Variants in ARHGEF25 observed in about 807,000 individuals in gnomAD.
ARHGEF25 encodes Rho guanine nucleotide exchange factor 25.
In ARHGEF25, 42 loss-of-function variants were observed where a neutral mutation model predicts 74.0. The observed-to-expected ratio is 0.57, with a 90% CI of 0.44 to 0.73. The LOEUF (loss-of-function observed/expected upper bound fraction) is 0.73, where lower values mean the gene tolerates loss of function less well. Ranked by LOEUF, ARHGEF25 falls within the 30% of genes least tolerant of loss-of-function variation. The pLI, the probability that ARHGEF25 is intolerant of heterozygous loss-of-function variation, is 0.00. For missense variants in ARHGEF25, 645 were observed against 725.5 expected, an observed-to-expected ratio of 0.89 and a Z score of 1.27; for synonymous variants, 293 against 278.6, an observed-to-expected ratio of 1.05 and a Z score of -0.51.
chr12:57,613,950 A>G (rs974296248), intron 5 of ARHGEF25, 66 bp from the exon 6 acceptor site: 8 of 1,543,596 alleles, frequency 5.2e-6, no homozygotes, highest in African/African-American at 4.1e-5. Context: ...ATTTGTGTAC[A>G]GGAGCACCAT....
chr12:57,610,407 G>A (rs1300919228), upstream of ARHGEF25: 2 of 1,145,116 alleles, frequency 1.7e-6, no homozygotes, highest in Admixed American at 5.8e-5. Context: ...AACGAGTTCT[G>A]CGGGGCAGTC....
intron 14 of ARHGEF25, 129 bp from the exon 15 acceptor site, chr12:57,616,655 C>T: frequency 1.0e-6 from 1 of 977,670 alleles, no homozygotes; most frequent in Non-Finnish European, 1.6e-6. Context: ...TCTGGAGAAG[C>T]TGATAGTCTC....
chr12:57,613,843 C>T (rs117258237), intron 5 of ARHGEF25, 83 bp downstream of exon 5: 59,214 of 1,552,344 alleles, frequency 0.038, 1,429 homozygotes, highest in South Asian at 0.062. Flanking sequence ...CCTGGGCGCT[C>T]CTCTGTCCCA....
chr12:57,611,252 G>A (rs901759948), upstream of ARHGEF25, among the ~76,000 whole-genome samples: 17 of 152,194 alleles, frequency 1.1e-4, no homozygotes, highest in African/African-American at 4.1e-4. The surrounding 1 kb of genome is among the most constrained non-coding windows in gnomAD (Gnocchi z 4.5). Context: ...GGACCCCGGG[G>A]CAGGGGAGCA....
chr12:57,613,858 T>C, intron 5 of ARHGEF25, 98 bp downstream of exon 5: 1 of 1,522,940 alleles, frequency 6.6e-7, no homozygotes, highest in Non-Finnish European at 9.0e-7. Flanking sequence ...GTCCCACCTC[T>C]CAAGCCTCCC....
Position 57,616,349 on chromosome 12 carries a change from G to T in ARHGEF25, c.1486G>T (p.Gly496Trp). Residue 496 changes from glycine to tryptophan, a missense_variant, in exon 14 of 15, where the codon GGG becomes TGG. Coordinates refer to ENST00000286494, the MANE Select transcript of ARHGEF25 (RefSeq NM_182947.4). ...SQTNSLGRPRGPGVGSPGRIQ... is the reference protein window; with the variant it reads ...SQTNSLGRPRWPGVGSPGRIQ... Reference sequence around the variant, plus strand: ...GACCAACAGCCTGGGGCGGCCAAGAGGGCCTGGAGTGGGGAGCCCTGGAAG... The same window carrying T: ...GACCAACAGCCTGGGGCGGCCAAGATGGCCTGGAGTGGGGAGCCCTGGAAG... 6.2e-7 allele frequency: 1 copy of T among 1,614,102 alleles called. No individual in the cohort carries two copies. The highest frequency in any genetic ancestry group is 1.7e-4 in the Middle Eastern group (1 of 6,046).
chr12:57,616,741 AT>A, intron 14 of ARHGEF25, 42 bp from the exon 15 acceptor site: 1 of 1,401,330 alleles, frequency 7.1e-7, no homozygotes, highest in Non-Finnish European at 1.0e-6. Context: ...GTGAGGGTAG[AT>A]TTCTGGCCTT....
At position 57,612,996 on chromosome 12, in the gene ARHGEF25, C is replaced by T. The variant is rs151122035; in HGVS notation, c.164C>T (p.Pro55Leu). ...TCTGCTGCCTCCGGTCTGGCTGCCC[C>T]CTCTGGCCCCAGCTCTGGCCTCAGC... ...SASAASGLAA[P>L]SGPSSGLSSG... The change falls in exon 2 of 15, where the codon CCC becomes CTC. Residue 55 changes from proline to leucine, a missense_variant. Physicochemically the swap from Pro to Leu is moderately conservative, Grantham distance 98. Around this residue, in one of 3 missense-constraint regions of ARHGEF25, gnomAD observed 189 missense variants for 199.1 expected, o/e 0.95. Transcript: ENST00000286494. 12 of 1,614,192 alleles carry T rather than the reference C, an allele frequency of 7.4e-6. No individual in the cohort carries two copies. In the South Asian group the frequency reaches 8.8e-5, roughly 12 times the overall value.
Position 57,614,529 on chromosome 12 carries a change from A to G in ARHGEF25, c.740A>G (p.His247Arg). Reference protein sequence around the residue: ...QLFIKHERRLHMYVVYCQNKP... With the variant: ...QLFIKHERRLRMYVVYCQNKP... ...TACCCCTGTTAGGAGCGCCGGCTGC[A>G]TATGTATGTGGTGTACTGTCAGAAT... Residue 247 changes from histidine to arginine, a missense_variant, in exon 8 of 15, where the codon CAT becomes CGT. By Grantham distance (29) the His-to-Arg change is conservative. Around this residue, in one of 3 missense-constraint regions of ARHGEF25, gnomAD observed 194 missense variants for 269.4 expected, o/e 0.72. Transcript: ENST00000286494. This position sits in a 1 kb window ranked among gnomAD's most constrained non-coding sequence, Gnocchi z 4.6. 6.2e-7 allele frequency: 1 copy of G among 1,613,944 alleles called. No homozygotes were observed. Among genetic ancestry groups the G allele is most frequent in the South Asian group, 1.1e-5 (1 of 91,084 alleles).
At position 57,611,985 on chromosome 12, in the gene ARHGEF25, G is replaced by C; in HGVS notation, c.91G>C (p.Gly31Arg). 1 of 1,313,072 alleles carries C rather than the reference G, an allele frequency of 7.6e-7. No homozygotes were observed. Among genetic ancestry groups the C allele is most frequent in the Non-Finnish European group, 9.8e-7 (1 of 1,023,168 alleles). The allele number at this position is 1,313,072 out of a possible 1,614,324, so 81.3% of individuals were successfully genotyped here. A position where few individuals can be genotyped will look rare whatever the true frequency, so the allele number is the denominator to read the frequency against. Residue 31 changes from glycine to arginine, a missense_variant, in exon 1 of 15, where the codon GGA becomes CGA. This residue lies in a region of ARHGEF25 where 189 missense variants were observed against 199.1 expected (regional missense o/e 0.95). Transcript: ENST00000286494. The surrounding 1 kb of genome is among the most constrained non-coding windows in gnomAD (Gnocchi z 4.5). ...AKCGCCFARG[G>R]RESYSIAGSE... ...ATGCGGCTGCTGCTTCGCCCGGGGG[G>C]GACGTGGTGAGTGCCAGGTCGAGAG...
At chr12:57,616,526 G>A in intron 14 of ARHGEF25, 31 bp downstream of exon 14, 2 of 1,593,454 alleles carry the variant, frequency 1.3e-6, no homozygotes, top group Non-Finnish European at 1.7e-6. Context: ...TCATTGTAGG[G>A]ATAAAAAGGG....
At chr12:57,612,778 A>T in intron 1 of ARHGEF25, 152 bp from the exon 2 acceptor site, 1 of 1,487,568 alleles carries the variant, frequency 6.7e-7, no homozygotes, top group Non-Finnish European at 8.9e-7. Flanking sequence ...GAAATTTTCT[A>T]TCCTGGCCAA....
chr12:57,615,015 G>A lies in ARHGEF25; in HGVS notation c.958G>A (p.Glu320Lys). Reference protein sequence around the residue: ...NRAGMDTADLEQAVEVMCFVP... With the variant: ...NRAGMDTADLKQAVEVMCFVP... ...AGCTGGGATGGATACTGCAGACCTA[G>A]AGGTGAGGACCCCAGATCTTCCAGG... The change falls in exon 10 of 15, where the codon GAG becomes AAG. Residue 320 changes from glutamate to lysine, a missense_variant and splice_region_variant. This residue lies in a region of ARHGEF25 where 194 missense variants were observed against 269.4 expected (regional missense o/e 0.72). Transcript: ENST00000286494. The A allele has an allele frequency of 6.2e-7, 1 of 1,614,066 alleles. No individual in the cohort carries two copies. The highest frequency in any genetic ancestry group is 2.2e-5 in the East Asian group (1 of 44,880).
chr12:57,610,266 G>C (rs1437929697), upstream of ARHGEF25: 1 of 1,589,754 alleles, frequency 6.3e-7, no homozygotes, highest in Non-Finnish European at 8.6e-7. Flanking sequence ...CGGATACTGG[G>C]GGTCATGGGG....
chr12:57,615,566 G>A lies in ARHGEF25; in HGVS notation c.1093G>A (p.Glu365Lys), dbSNP rs760177394. 5 of 1,614,088 alleles carry A rather than the reference G, an allele frequency of 3.1e-6. No homozygotes were observed. The highest frequency in any genetic ancestry group is 3.3e-5 in the Admixed American group (2 of 60,014). Residue 365 changes from glutamate to lysine, a missense_variant, in exon 12 of 15, where the codon GAG (glutamate) becomes AAG (lysine). Physicochemically the swap from Glu to Lys is moderately conservative, Grantham distance 56. Coordinates refer to ENST00000286494, the MANE Select transcript of ARHGEF25 (RefSeq NM_182947.4). ...LLGQDTFWVTEPEAGGLLSSR... is the reference protein window; with the variant it reads ...LLGQDTFWVTKPEAGGLLSSR... ...GGGCCAGGACACTTTCTGGGTCACCGAGCCTGAGGCTGGAGGGCTGCTGTC... is the reference window on the plus strand; with the variant it reads ...GGGCCAGGACACTTTCTGGGTCACCAAGCCTGAGGCTGGAGGGCTGCTGTC...
In ARHGEF25 at chr12:57,611,679, G is replaced by C; in HGVS notation, c.-216G>C. On this transcript the variant is annotated 5_prime_UTR_variant, in exon 1 of 15. Coordinates refer to ENST00000286494, the MANE Select transcript of ARHGEF25 (RefSeq NM_182947.4). This position sits in a 1 kb window ranked among gnomAD's most constrained non-coding sequence, Gnocchi z 4.5. ...CCGCCCAGCCCGGCGGCCGGGCCCC[G>C]CGCCTCTCTCTCTCTAGAGCCCCCA... 1 of 1,117,466 alleles carries C rather than the reference G, an allele frequency of 8.9e-7. No individual in the cohort carries two copies. Among genetic ancestry groups the C allele is most frequent in the Non-Finnish European group, 1.1e-6 (1 of 915,244 alleles). 69.2% of individuals were successfully genotyped at this position (1,117,466 alleles called of 1,614,324 possible).
At chr12:57,612,073 G>C (rs1017656372) in intron 1 of ARHGEF25, 82 bp downstream of exon 1, 1 of 1,128,918 alleles carries the variant, frequency 8.9e-7, no homozygotes, top group African/African-American at 1.6e-5. Flanking sequence ...TGGCCCTTGG[G>C]ATTTAGGGTT....
Position 57,611,827 on chromosome 12 carries a change from C to T in ARHGEF25, c.-68C>T, listed in dbSNP as rs1035954634. ...GGGGGTGTGCGCCCGGCGCCGTCCC[C>T]GCCCCGCCCCCCGTGATTCCCCCTG... On this transcript the variant is annotated 5_prime_UTR_variant, in exon 1 of 15. Transcript: ENST00000286494. This position sits in a 1 kb window ranked among gnomAD's most constrained non-coding sequence, Gnocchi z 4.5. 5 of 1,189,250 alleles carry T rather than the reference C, an allele frequency of 4.2e-6. No individual in the cohort carries two copies. In the Admixed American group the frequency reaches 1.7e-4, roughly 41 times the overall value. The allele number at this position is 1,189,250 out of a possible 1,614,324, so 73.7% of individuals were successfully genotyped here.
upstream of ARHGEF25, chr12:57,610,561 T>C: frequency 6.2e-7 from 1 of 1,604,672 alleles, no homozygotes; most frequent in Non-Finnish European, 8.5e-7. Context: ...AGTGGTTCTG[T>C]CCCCGCAGCC....
Sources: gnomAD v4.1 joint callset for allele counts (sites outside exome capture counted in the v4.1 genomes callset) on GRCh38, gnomAD v4.1.1 for gene constraint, gnomAD v4.1.1 regional missense constraint, Gnocchi (gnomAD v3.1) non-coding constraint, MANE v1.5 for transcripts, NCBI Gene and HGNC (gene_info 2026-07-23, HGNC 2026-07-21) for gene names.